Variants in MAP4 observed in about 807,000 individuals in gnomAD.
MAP4 encodes the protein microtubule-associated protein 4.
MAP4 carries 76 observed loss-of-function variants against 170.2 expected under a neutral mutation model. That is an observed-to-expected ratio of 0.45 (90% CI 0.37 to 0.54). MAP4 has a LOEUF of 0.54. MAP4 is among the 20% of genes least tolerant of loss of function. The pLI is 0.00. For missense variants in MAP4, 2,506 were observed against 2,748.0 expected (o/e 0.91, Z 1.97); for synonymous variants, 909 against 994.5 (o/e 0.91, Z 1.62).
chr3:47,969,075 T>C (rs1296313666), intron 3 of MAP4, among the ~76,000 whole-genome samples: 1 of 152,176 alleles, frequency 6.6e-6, no homozygotes, highest in Non-Finnish European at 1.5e-5. Context: ...AAAACTAACA[T>C]CTGTGGCTAT....
In MAP4 at chr3:47,909,104, G is replaced by A; in HGVS notation, c.5317C>T (p.Leu1773Phe). ...GYMRPTKSRG[L>F]TPLLPKSTIQ... ...GTAGACTTTGGCAAAAGTGGAGTAA[G>A]TCCTCGGGACTTGGTGGGTCTCATG... The change falls in exon 9 of 21, where the codon CTT becomes TTT. Residue 1773 changes from leucine to phenylalanine, a missense_variant. This residue lies in a region of MAP4 where 2,008 missense variants were observed against 2,206.0 expected (regional missense o/e 0.91). Coordinates refer to ENST00000683076, the MANE Select transcript of MAP4 (RefSeq NM_001385682.1). The A allele has an allele frequency of 3.7e-6, 6 of 1,614,000 alleles. No homozygotes were observed. The highest frequency in any genetic ancestry group is 5.1e-6 in the Non-Finnish European group (6 of 1,179,870).
chr3:47,955,599 T>C (rs1215593313), intron 3 of MAP4, among the ~76,000 whole-genome samples: 1 of 152,024 alleles, frequency 6.6e-6, no homozygotes, highest in Non-Finnish European at 1.5e-5. Flanking sequence ...CCTACAAAAA[T>C]TCAGAGACCC....
Position 48,075,637 on chromosome 3 carries a change from G to A in MAP4, c.-20+13136C>T, listed in dbSNP as rs9883132. Among the ~76,000 whole-genome samples, 1,303 of 151,984 alleles carry A rather than the reference G, an allele frequency of 8.6e-3. 18 individuals carry two copies. The highest frequency in any genetic ancestry group is 0.032 in the South Asian group (156 of 4,808). ...GAAAAAGAAGTCTTTTCAACAACTGGTTCAAGGACAACTAGATATCCACAC... is the reference window on the plus strand; with the variant it reads ...GAAAAAGAAGTCTTTTCAACAACTGATTCAAGGACAACTAGATATCCACAC... On this transcript the variant is annotated intron_variant, in intron 1 of 18. Transcript: ENST00000360240.
At chr3:48,027,711 A>T (rs1188557024) in intron 1 of MAP4, among the ~76,000 whole-genome samples, 2 of 151,966 alleles carry the variant, frequency 1.3e-5, no homozygotes, top group Non-Finnish European at 2.9e-5. Context: ...CCGAGCATGC[A>T]CCTGTGGTTC....
chr3:48,042,394 C>A (rs543803617), intron 1 of MAP4, among the ~76,000 whole-genome samples: 4 of 152,182 alleles, frequency 2.6e-5, no homozygotes, highest in African/African-American at 9.6e-5. Context: ...TTTGTTTTTT[C>A]CACACACACC....
intron 1 of MAP4, among the ~76,000 whole-genome samples, chr3:48,073,434 A>C (rs2100142066): frequency 6.6e-6 from 1 of 151,674 alleles, no homozygotes; most frequent in Non-Finnish European, 1.5e-5. Flanking sequence ...CAAGATGGAG[A>C]AACCCCGACT....
Position 47,852,661 on chromosome 3 carries a change from G to T in MAP4, c.*273C>A. ...GGCGCAGTGATGGGGCAAGACCAAA[G>T]CAGGGAGATGGGCCCAGGCTGGGGA... is the stretch of plus-strand genomic sequence containing the variant. On this transcript the variant is annotated 3_prime_UTR_variant, in exon 21 of 21. Coordinates refer to ENST00000683076, the MANE Select transcript of MAP4 (RefSeq NM_001385682.1). 2.3e-6 allele frequency: 3 copies of T among 1,282,326 alleles called. No homozygotes were observed. Among genetic ancestry groups the T allele is most frequent in the Non-Finnish European group, 2.1e-6 (2 of 950,374 alleles). The allele number at this position is 1,282,326 out of a possible 1,614,324, so 79.4% of individuals were successfully genotyped here.
At chr3:47,978,663 G>A (rs2100083609) in intron 2 of MAP4, among the ~76,000 whole-genome samples, 1 of 151,568 alleles carries the variant, frequency 6.6e-6, no homozygotes, top group South Asian at 2.1e-4. Flanking sequence ...GAAATCCAGG[G>A]TACCATCATT....
chr3:48,015,484 G>A (rs1355706811), intron 1 of MAP4, among the ~76,000 whole-genome samples: 1 of 152,138 alleles, frequency 6.6e-6, no homozygotes, highest in Admixed American at 6.6e-5. Flanking sequence ...GGAACCCCAC[G>A]TCGCCAGTGT....
Position 47,875,590 on chromosome 3 carries a change from G to T in MAP4, c.5757+95C>A, listed in dbSNP as rs569236491. On this transcript the variant is annotated intron_variant, in intron 12 of 20. Coordinates refer to ENST00000683076, the MANE Select transcript of MAP4 (RefSeq NM_001385682.1). ...CCCTTGCCTTTTCCCAATTCCACCA[G>T]CCTGATTCTGTTGTCTGTTAGCAAC... 17 of 1,159,430 alleles carry T rather than the reference G, an allele frequency of 1.5e-5. No individual in the cohort carries two copies. The Admixed American group carries it at 2.1e-4, about 14-fold the overall frequency. The allele number at this position is 1,159,430 out of a possible 1,614,324, so 71.8% of individuals were successfully genotyped here.
chr3:48,036,119 G>A (rs980597874), intron 1 of MAP4, among the ~76,000 whole-genome samples: 1 of 152,206 alleles, frequency 6.6e-6, no homozygotes, highest in Non-Finnish European at 1.5e-5. Flanking sequence ...TGCTCAGCTA[G>A]TAAAGTGGCA....
At chr3:48,054,354 G>A (rs958719326) in intron 1 of MAP4, among the ~76,000 whole-genome samples, 2 of 151,816 alleles carry the variant, frequency 1.3e-5, no homozygotes, top group South Asian at 2.1e-4. Flanking sequence ...GGCCAGGCAC[G>A]GTGGCTCACG....
chr3:48,048,714 T>C lies in MAP4; in HGVS notation c.-20+40059A>G, dbSNP rs186922807. Among the ~76,000 whole-genome samples, 13 of 152,138 alleles carry C rather than the reference T, an allele frequency of 8.5e-5. No individual in the cohort carries two copies. The East Asian group carries it at 1.9e-3, about 23-fold the overall frequency. ...TAAATTTTTTTGTAGAGACAGGATC[T>C]CACTATGTTGCCCAGGCTGGTCTCA... On this transcript the variant is annotated intron_variant, in intron 1 of 18. Coordinates refer to the MAP4 transcript ENST00000360240.
At chr3:47,925,322 T>A (rs1415489714) in intron 4 of MAP4, among the ~76,000 whole-genome samples, 1 of 152,126 alleles carries the variant, frequency 6.6e-6, no homozygotes, top group Non-Finnish European at 1.5e-5. Flanking sequence ...CACTGAATTT[T>A]TTTTCCTACT....
At chr3:47,890,717 A>T (rs1211211273) in intron 10 of MAP4, among the ~76,000 whole-genome samples, 3 of 152,168 alleles carry the variant, frequency 2.0e-5, no homozygotes, top group African/African-American at 7.2e-5. Context: ...GGGTGACATG[A>T]GGTCAAGAAA....
intron 10 of MAP4, among the ~76,000 whole-genome samples, chr3:47,893,197 AAG>A (rs761063831): frequency 6.6e-5 from 10 of 152,152 alleles, no homozygotes; most frequent in Non-Finnish European, 1.5e-4. Flanking sequence ...TGCATAATGG[AAG>A]AGTTTAATAA....
At chr3:47,877,215 G>C (rs1195416882) in intron 11 of MAP4, 1 of 512,606 alleles carries the variant, frequency 2.0e-6, no homozygotes, top group Non-Finnish European at 3.5e-6. Context: ...AGATAATAGG[G>C]TCAAAGGCTG....
intron 3 of MAP4, among the ~76,000 whole-genome samples, chr3:47,968,151 C>CTA (rs1294330907): frequency 6.6e-6 from 1 of 152,108 alleles, no homozygotes. Context: ...AAACAATAGA[C>CTA]TACTCAATAA....
intron 2 of MAP4, among the ~76,000 whole-genome samples, chr3:47,994,935 C>T (rs1347494873): frequency 4.1e-5 from 6 of 145,204 alleles, no homozygotes; most frequent in East Asian, 2.0e-4. Context: ...TGCAATAGAG[C>T]GGGACTCCAT....
Sources: allele counts gnomAD v4.1 joint callset (sites outside exome capture counted in the v4.1 genomes callset), GRCh38; gene constraint gnomAD v4.1.1; regional missense constraint gnomAD v4.1.1; transcripts MANE v1.5; gene names NCBI Gene and HGNC (gene_info 2026-07-23, HGNC 2026-07-21).